Variants in PIK3AP1 observed in about 807,000 individuals in gnomAD.
PIK3AP1 encodes phosphoinositide-3-kinase adaptor protein 1, also known as phosphoinositide 3-kinase adapter protein 1.
A neutral mutation model predicts 88.1 loss-of-function variants in PIK3AP1; 21 were observed. That is an observed-to-expected ratio of 0.24 (90% CI 0.17 to 0.34). The LOEUF (loss-of-function observed/expected upper bound fraction) is 0.34. Among genes scored for constraint, PIK3AP1 ranks in the 10% least tolerant of loss-of-function variants. PIK3AP1 has a pLI of 1.00. For synonymous variants in PIK3AP1, 398 were observed against 400.0 expected, an observed-to-expected ratio of 1.00 and a Z score of 0.06; for missense variants, 828 against 1,035.7, an observed-to-expected ratio of 0.80 and a Z score of 2.75.
chr10:96,669,046 T>C (rs893824756), intron 2 of PIK3AP1, among the ~76,000 whole-genome samples: 1 of 152,160 alleles, frequency 6.6e-6, no homozygotes, highest in Non-Finnish European at 1.5e-5. Flanking sequence ...ACAGGAGAAT[T>C]GCTTGAACTC....
chr10:96,616,274 G>A (rs904428875), intron 13 of PIK3AP1, among the ~76,000 whole-genome samples: 2 of 152,110 alleles, frequency 1.3e-5, no homozygotes, highest in Admixed American at 1.3e-4. Flanking sequence ...CTGGGTAAAT[G>A]GGATTTTCTC....
At chr10:96,660,435 A>G (rs1280855722) in intron 2 of PIK3AP1, among the ~76,000 whole-genome samples, 1 of 152,198 alleles carries the variant, frequency 6.6e-6, no homozygotes, top group Non-Finnish European at 1.5e-5. Context: ...ATAGCACTAC[A>G]AATCTATGAG....
chr10:96,614,814 G>A (rs1849186913), intron 13 of PIK3AP1, among the ~76,000 whole-genome samples: 1 of 152,004 alleles, frequency 6.6e-6, no homozygotes, highest in Non-Finnish European at 1.5e-5. Flanking sequence ...AAGCCTTCTA[G>A]AACTCCATCA....
rs773879512 is a variant in PIK3AP1 at position 96,648,791 on chromosome 10, G to A, written c.1053C>T (p.Leu351=). 4 of 1,607,708 alleles carry A rather than the reference G, an allele frequency of 2.5e-6. No homozygotes were observed. Among genetic ancestry groups the A allele is most frequent in the Non-Finnish European group, 3.4e-6 (4 of 1,177,540 alleles). ...HFAAKYGLKN[L]TALLLTCPGA... Reference sequence around the variant, plus strand: ...CTGGGCAGGTGAGCAACAAGGCAGTGAGGTTCTTCAGTCCATACTTCGCAG... The same window carrying A: ...CTGGGCAGGTGAGCAACAAGGCAGTAAGGTTCTTCAGTCCATACTTCGCAG... Residue 351 remains leucine (L), a synonymous_variant, in exon 7 of 17, where the codon CTC becomes CTT. Transcript: ENST00000339364.
At chr10:96,607,491 C>T (rs1849021950) in intron 14 of PIK3AP1, among the ~76,000 whole-genome samples, 1 of 152,148 alleles carries the variant, frequency 6.6e-6, no homozygotes, top group Non-Finnish European at 1.5e-5. Context: ...GACTAACCAC[C>T]AGTGACCCCC....
At chr10:96,668,103 A>T (rs528224090) in intron 2 of PIK3AP1, among the ~76,000 whole-genome samples, 1 of 152,210 alleles carries the variant, frequency 6.6e-6, no homozygotes, top group Non-Finnish European at 1.5e-5. Context: ...AAAATTTTGG[A>T]AAGAGTGGTG....
At chr10:96,692,662 T>C (rs1158905579) in intron 2 of PIK3AP1, among the ~76,000 whole-genome samples, 10 of 152,230 alleles carry the variant, frequency 6.6e-5, no homozygotes, top group Admixed American at 6.5e-4. Context: ...CAAACCCTCC[T>C]GTACAAAACC....
rs531416362 is a variant in PIK3AP1, at chr10:96,612,670, C to T, written c.2015-2803G>A. Among the ~76,000 whole-genome samples the T allele has an allele frequency of 9.1e-4, 139 of 152,100 alleles. 5 individuals carry two copies. In the South Asian group the frequency reaches 0.028, roughly 31 times the overall value. ...CTTCTAATTGCCTGAGGCTGTTTCTCGTAGCAGAATGATGAGTGCCCCTCC... is the reference window on the plus strand; with the variant it reads ...CTTCTAATTGCCTGAGGCTGTTTCTTGTAGCAGAATGATGAGTGCCCCTCC... On this transcript the variant is annotated intron_variant, in intron 13 of 16. Coordinates refer to ENST00000339364, the MANE Select transcript of PIK3AP1 (RefSeq NM_152309.3).
At chr10:96,691,299 T>A (rs922201340) in intron 2 of PIK3AP1, among the ~76,000 whole-genome samples, 2 of 152,064 alleles carry the variant, frequency 1.3e-5, no homozygotes, top group Non-Finnish European at 1.5e-5. Context: ...CAAGAAAGGA[T>A]GTTATATCTT....
At chr10:96,684,659 T>C (rs928568187) in intron 2 of PIK3AP1, among the ~76,000 whole-genome samples, 1 of 152,186 alleles carries the variant, frequency 6.6e-6, no homozygotes, top group Non-Finnish European at 1.5e-5. Context: ...CTGGCAATCT[T>C]AAGAAAAACT....
At position 96,626,717 on chromosome 10, in the gene PIK3AP1, T is replaced by C. The variant is rs1262682007; in HGVS notation, c.1660A>G (p.Ile554Val). Reference sequence around the variant, plus strand: ...TCCCTGCCATACTTGCCTTTAAAAATGTATGGTTCGTTGTCAGGCAGCTGG... The same window carrying C: ...TCCCTGCCATACTTGCCTTTAAAAACGTATGGTTCGTTGTCAGGCAGCTGG... ...AHQLPDNEPY[I>V]FKVFAEKSQE... The change falls in exon 10 of 17, where the codon ATT becomes GTT. Residue 554 changes from isoleucine to valine, a missense_variant. This residue lies in a region of PIK3AP1 where 610 missense variants were observed against 760.1 expected (regional missense o/e 0.80). Transcript: ENST00000339364. 3 of 1,613,814 alleles carry C rather than the reference T, an allele frequency of 1.9e-6. No individual in the cohort carries two copies. The highest frequency in any genetic ancestry group is 2.5e-6 in the Non-Finnish European group (3 of 1,179,842).
chr10:96,616,603 G>T, intron 13 of PIK3AP1, 36 bp downstream of exon 13: 1 of 1,603,670 alleles, frequency 6.2e-7, no homozygotes. Context: ...TGACAGCAAT[G>T]TCCCACACAA....
At chr10:96,713,503 TAAAAAAAA>T (rs566830672) in intron 1 of PIK3AP1, among the ~76,000 whole-genome samples, 21 of 84,928 alleles carry the variant, frequency 2.5e-4, no homozygotes, top group African/African-American at 5.6e-4. Flanking sequence ...GACTCCGTCT[TAAAAAAAA>T]AAAAAAAAAA....
rs569200351 is a variant in PIK3AP1 at position 96,646,085 on chromosome 10, C to T, written c.1186-423G>A. On this transcript the variant is annotated intron_variant, in intron 7 of 16. Transcript: ENST00000339364. ...GACCAGCCTGGCCAAAATGGCAAAACCTCATCTCTACTAAAAATACAAAAA... is the reference window on the plus strand; with the variant it reads ...GACCAGCCTGGCCAAAATGGCAAAATCTCATCTCTACTAAAAATACAAAAA... 8.5e-5 allele frequency among the ~76,000 whole-genome samples: 13 copies of T among 152,174 alleles called. No homozygotes were observed. In the East Asian group the frequency reaches 1.2e-3, roughly 14 times the overall value.
chr10:96,597,267 TTTCTTTCCTTCCTTCCTTCC>T (rs1335698675), intron 16 of PIK3AP1, among the ~76,000 whole-genome samples: 22 of 122,264 alleles, frequency 1.8e-4, no homozygotes, highest in South Asian at 1.4e-3. Context: ...TCTTTCTTTC[TTTCTTTCCTTCCTTCCTTCC>T]TTCCTTCCTT....
At chr10:96,683,295 T>C (rs890340136) in intron 2 of PIK3AP1, among the ~76,000 whole-genome samples, 1 of 152,234 alleles carries the variant, frequency 6.6e-6, no homozygotes, top group Non-Finnish European at 1.5e-5. Context: ...ACTGTGAGAA[T>C]AGGCAACTGT....
chr10:96,633,255 T>A, intron 8 of PIK3AP1: 1 of 548,866 alleles, frequency 1.8e-6, no homozygotes, highest in Non-Finnish European at 2.9e-6. Context: ...TTGTAGGCAA[T>A]GTTGCCTGGA....
intron 8 of PIK3AP1, among the ~76,000 whole-genome samples, chr10:96,644,009 T>C (rs1260105158): frequency 6.6e-6 from 1 of 152,236 alleles, no homozygotes; most frequent in African/African-American, 2.4e-5. Context: ...TGGTAACACA[T>C]GAATAAGCCT....
At chr10:96,697,757 C>T (rs1379925096) in intron 2 of PIK3AP1, among the ~76,000 whole-genome samples, 2 of 151,956 alleles carry the variant, frequency 1.3e-5, no homozygotes, top group African/African-American at 2.4e-5. Context: ...AACACATGAA[C>T]ACAGAAAAAT....
Sources: allele counts gnomAD v4.1 joint callset (sites outside exome capture counted in the v4.1 genomes callset), GRCh38; gene constraint gnomAD v4.1.1; regional missense constraint gnomAD v4.1.1; transcripts MANE v1.5; gene names NCBI Gene and HGNC (gene_info 2026-07-23, HGNC 2026-07-21).